LRRC28: variants seen among roughly 807,000 people sequenced by gnomAD.
The protein encoded by LRRC28 is leucine rich repeat containing 28.
In LRRC28, 39 loss-of-function variants were observed where a neutral mutation model predicts 45.7. The ratio of observed to expected loss-of-function variants is 0.85; its 90% CI spans 0.66 to 1.12. LRRC28 has a LOEUF of 1.12. LRRC28 is among the 50% of genes most tolerant of loss of function. The pLI is 0.00. For synonymous variants in LRRC28, 206 were observed against 178.8 expected (o/e 1.15, Z -1.22); for missense variants, 435 against 438.5 (o/e 0.99, Z 0.07).
At chr15:99,300,652 C>T (rs113293243) in intron 5 of LRRC28, among the ~76,000 whole-genome samples, 4 of 152,028 alleles carry the variant, frequency 2.6e-5, no homozygotes, top group African/African-American at 9.7e-5. Flanking sequence ...CATGGTGAAC[C>T]CTGCTTCTAC....
At chr15:99,298,937 G>A (rs532895728) in intron 5 of LRRC28, among the ~76,000 whole-genome samples, 227 of 152,232 alleles carry the variant, frequency 1.5e-3, no homozygotes, top group African/African-American at 5.2e-3. Flanking sequence ...TCCAACTCCT[G>A]ACCTCAGGCA....
intron 6 of LRRC28, among the ~76,000 whole-genome samples, chr15:99,347,033 G>T (rs1446983605): frequency 1.3e-5 from 2 of 152,146 alleles, no homozygotes; most frequent in Non-Finnish European, 2.9e-5. Flanking sequence ...GACAAGAGCA[G>T]CTAAAAATTT....
At chr15:99,350,264 T>A (rs1956837177) in intron 6 of LRRC28, among the ~76,000 whole-genome samples, 1 of 152,198 alleles carries the variant, frequency 6.6e-6, no homozygotes, top group African/African-American at 2.4e-5. Flanking sequence ...GCAGATGCTC[T>A]CATACGTAGC....
intron 9 of LRRC28, among the ~76,000 whole-genome samples, chr15:99,377,991 T>A (rs1419678179): frequency 6.6e-6 from 1 of 152,262 alleles, no homozygotes; most frequent in African/African-American, 2.4e-5. Flanking sequence ...CCTCCAGCTT[T>A]GTTCTTTTGG....
chr15:99,338,614 T>A (rs1239403338), intron 6 of LRRC28: 1 of 152,130 alleles, frequency 6.6e-6, no homozygotes, highest in Non-Finnish European at 1.5e-5. Context: ...TGATGGGAGG[T>A]GGGAATCTTA....
At position 99,258,832 on chromosome 15, in the gene LRRC28, C is replaced by G. The variant is rs7164561; in HGVS notation, c.168+2707C>G. 4 of 698,866 alleles carry G rather than the reference C, an allele frequency of 5.7e-6. No homozygotes were observed. The African/African-American group carries it at 7.0e-5, about 12-fold the overall frequency. The allele number at this position is 698,866 out of a possible 1,614,324, so 43.3% of individuals were successfully genotyped here. On this transcript the variant is annotated intron_variant, in intron 2 of 9. Transcript: ENST00000301981. ...TTGATGAATATGGATCTAAAAAGAG[C>G]GATTACATTAAGCTCTATGTGCGCT...
Position 99,308,533 on chromosome 15 carries a change from G to T in LRRC28, c.385+20582G>T, listed in dbSNP as rs903152411. Among the ~76,000 whole-genome samples the T allele has an allele frequency of 2.6e-5, 4 of 152,080 alleles. No homozygotes were observed. The South Asian group carries it at 6.2e-4, about 24-fold the overall frequency. On this transcript the variant is annotated intron_variant, in intron 5 of 9. Transcript: ENST00000301981. ...ATAAAAATAAAAAACTTAGTTAGGC[G>T]TGGTGGCACGTGCCTGTAGTCCCAA...
chr15:99,283,340 A>G (rs1312583722), intron 3 of LRRC28, among the ~76,000 whole-genome samples: 1 of 149,740 alleles, frequency 6.7e-6, no homozygotes, highest in Non-Finnish European at 1.5e-5. Flanking sequence ...CAGGCCAGGC[A>G]TGGTGGCTCA....
intron 2 of LRRC28, among the ~76,000 whole-genome samples, chr15:99,271,875 A>G (rs868280197): frequency 3.9e-5 from 6 of 152,218 alleles, no homozygotes; most frequent in African/African-American, 1.4e-4. Context: ...TTGAGATTAC[A>G]GGCTTGAGCC....
chr15:99,293,552 C>T (rs772287620), intron 5 of LRRC28, among the ~76,000 whole-genome samples: 8 of 120,296 alleles, frequency 6.7e-5, no homozygotes, highest in African/African-American at 1.3e-4. Context: ...GAGATCATGC[C>T]GTTGCATTCC....
intron 5 of LRRC28, among the ~76,000 whole-genome samples, chr15:99,318,085 GCAT>G (rs1378667892): frequency 6.6e-6 from 1 of 152,064 alleles, no homozygotes; most frequent in East Asian, 1.9e-4. Context: ...CTCATTAGAA[GCAT>G]CATACAATTT....
At chr15:99,333,662 C>T (rs989729952) in intron 5 of LRRC28, 11 of 510,626 alleles carry the variant, frequency 2.2e-5, no homozygotes, top group African/African-American at 2.1e-4. Flanking sequence ...CTGGTTCAGA[C>T]TCACCACTTT....
At position 99,387,129 on chromosome 15, in the gene LRRC28, CG is replaced by C. The variant is rs1209196617; in HGVS notation, c.*1029del. On this transcript the variant is annotated 3_prime_UTR_variant, in exon 10 of 10. Transcript: ENST00000301981. ...AGGCTGGAGTGCAGTGGCGGGATCT[CG>C]GCTCACTGCAAGCTCCGCCTCCCGG... 1 of 150,640 alleles carries C rather than the reference CG, an allele frequency of 6.6e-6. No homozygotes were observed. The highest frequency in any genetic ancestry group is 1.5e-5 in the Non-Finnish European group (1 of 67,648). The allele number at this position is 150,640 out of a possible 1,614,324, so 9.3% of individuals were successfully genotyped here.
chr15:99,343,200 T>A (rs1173421137), intron 6 of LRRC28, among the ~76,000 whole-genome samples: 2 of 152,242 alleles, frequency 1.3e-5, no homozygotes, highest in African/African-American at 2.4e-5. Context: ...TGCTTTGATG[T>A]TGTTGTTTCT....
intron 3 of LRRC28, among the ~76,000 whole-genome samples, chr15:99,284,352 C>CA (rs34704396): frequency 6.3e-4 from 92 of 146,506 alleles, no homozygotes; most frequent in Admixed American, 2.1e-3. Flanking sequence ...AGCATGAGTG[C>CA]AAAAAAAAAA....
chr15:99,336,005 A>G (rs1213655174), intron 6 of LRRC28, among the ~76,000 whole-genome samples: 1 of 152,154 alleles, frequency 6.6e-6, no homozygotes, highest in Non-Finnish European at 1.5e-5. Context: ...CCAGAAACAG[A>G]TTAGGTTGTT....
chr15:99,349,055 C>T (rs1359196224), intron 6 of LRRC28, among the ~76,000 whole-genome samples: 1 of 151,806 alleles, frequency 6.6e-6, no homozygotes, highest in Non-Finnish European at 1.5e-5. Flanking sequence ...GGATTGTTTT[C>T]TTGATTTCTT....
chr15:99,257,952 CTTTAG>C (rs1053037384), intron 2 of LRRC28: 16 of 783,394 alleles, frequency 2.0e-5, no homozygotes, highest in African/African-American at 8.5e-5. Flanking sequence ...GATTCTGACG[CTTTAG>C]TTAAGATAAG....
intron 2 of LRRC28, chr15:99,258,508 C>G: frequency 1.3e-6 from 1 of 753,312 alleles, no homozygotes; most frequent in Non-Finnish European, 2.4e-6. Flanking sequence ...AAGGAAGAAG[C>G]AGCAGCAAAA....
Sources: gnomAD v4.1 joint callset for allele counts (sites outside exome capture counted in the v4.1 genomes callset) on GRCh38, gnomAD v4.1.1 for gene constraint, MANE v1.5 for transcripts, NCBI Gene and HGNC (gene_info 2026-07-23, HGNC 2026-07-21) for gene names.